The following HS3ST4 variants were observed in gnomAD, a reference collection of about 807,000 sequenced individuals.
HS3ST4 encodes heparan sulfate-glucosamine 3-sulfotransferase 4.
Under a neutral mutation model 29.2 loss-of-function variants are expected in HS3ST4, and 17 were observed. That is an observed-to-expected ratio of 0.58 (90% CI 0.40 to 0.87). HS3ST4 has a LOEUF of 0.87. HS3ST4 is among the 40% of genes least tolerant of loss of function. HS3ST4 has a pLI of 0.00. For synonymous variants in HS3ST4, 314 were observed against 285.7 expected, an observed-to-expected ratio of 1.10 and a Z score of -1.00; for missense variants, 627 against 634.5, an observed-to-expected ratio of 0.99 and a Z score of 0.13.
At chr16:25,801,132 G>A (rs1314957775) in intron 1 of HS3ST4, among the ~76,000 whole-genome samples, 2 of 152,020 alleles carry the variant, frequency 1.3e-5, no homozygotes, top group East Asian at 1.9e-4. Context: ...TGTTGATGCC[G>A]CTGGTCTGGG....
chr16:25,792,499 G>C (rs1966871433), intron 1 of HS3ST4, among the ~76,000 whole-genome samples: 1 of 151,838 alleles, frequency 6.6e-6, no homozygotes, highest in African/African-American at 2.4e-5. Context: ...GACTGTTGAG[G>C]CTCACCACAT....
chr16:25,929,353 A>C (rs1443025904), intron 1 of HS3ST4, among the ~76,000 whole-genome samples: 3 of 152,026 alleles, frequency 2.0e-5, no homozygotes, highest in African/African-American at 7.3e-5. Context: ...CAACAGAGTG[A>C]GACTCCATCT....
At chr16:25,961,171 C>T (rs1343347533) in intron 1 of HS3ST4, among the ~76,000 whole-genome samples, 3 of 152,276 alleles carry the variant, frequency 2.0e-5, no homozygotes, top group East Asian at 1.9e-4. Flanking sequence ...TAATCTATTA[C>T]GGTAGCCACA....
intron 1 of HS3ST4, among the ~76,000 whole-genome samples, chr16:25,873,672 C>G (rs1360605048): frequency 6.6e-6 from 1 of 150,502 alleles, no homozygotes; most frequent in Non-Finnish European, 1.5e-5. Flanking sequence ...ATCCATCCAT[C>G]CATCCATCCA....
intron 1 of HS3ST4, among the ~76,000 whole-genome samples, chr16:25,993,091 T>C (rs997155933): frequency 5.3e-5 from 8 of 152,048 alleles, no homozygotes; most frequent in Non-Finnish European, 1.2e-4. Context: ...GAGAATCTAA[T>C]TGGGAGTTCA....
At chr16:25,781,520 A>G (rs772875038) in intron 1 of HS3ST4, among the ~76,000 whole-genome samples, 1 of 152,166 alleles carries the variant, frequency 6.6e-6, no homozygotes, top group East Asian at 1.9e-4. Context: ...TCTCACACAC[A>G]TAACTCACAT....
chr16:25,792,824 CTCT>C (rs558901625), intron 1 of HS3ST4, among the ~76,000 whole-genome samples: 7 of 151,634 alleles, frequency 4.6e-5, no homozygotes, highest in Admixed American at 2.0e-4. Flanking sequence ...CATATTATTT[CTCT>C]TCTTCTACTT....
chr16:26,110,062 CT>C lies in HS3ST4; in HGVS notation c.735-25549del, dbSNP rs1596684518. Among the ~76,000 whole-genome samples the C allele has an allele frequency of 3.3e-5, 5 of 152,248 alleles. No homozygotes were observed. The East Asian group carries it at 9.7e-4, about 29-fold the overall frequency. On this transcript the variant is annotated intron_variant, in intron 1 of 1. Coordinates refer to ENST00000331351, the MANE Select transcript of HS3ST4 (RefSeq NM_006040.3). The stretch of plus-strand genomic sequence containing the variant: ...CCTGTTTCCCACTATCCTTCACCCC[CT>C]GAACCTGGCAACCATCATTCTATTC...
At chr16:26,084,548 C>T (rs1451776352) in intron 1 of HS3ST4, among the ~76,000 whole-genome samples, 2 of 152,136 alleles carry the variant, frequency 1.3e-5, no homozygotes, top group African/African-American at 4.8e-5. Context: ...GAACAGTGAT[C>T]ATGCGTCTAT....
At chr16:25,948,133 C>T (rs913687875) in intron 1 of HS3ST4, among the ~76,000 whole-genome samples, 4 of 152,086 alleles carry the variant, frequency 2.6e-5, no homozygotes, top group South Asian at 4.2e-4. Context: ...AGAACAGCTC[C>T]GACAGTCTCA....
intron 1 of HS3ST4, among the ~76,000 whole-genome samples, chr16:26,027,156 A>C (rs774536243): frequency 3.3e-5 from 5 of 152,172 alleles, no homozygotes; most frequent in Admixed American, 6.5e-5. Flanking sequence ...CTTGTCAAAA[A>C]CAAAAGTAAA....
chr16:26,005,223 A>G (rs972527277), intron 1 of HS3ST4, among the ~76,000 whole-genome samples: 2 of 152,228 alleles, frequency 1.3e-5, no homozygotes, highest in African/African-American at 4.8e-5. Flanking sequence ...TGGGAAATCA[A>G]TGGAAAAGTG....
chr16:25,783,125 T>A (rs949847431), intron 1 of HS3ST4, among the ~76,000 whole-genome samples: 1 of 152,226 alleles, frequency 6.6e-6, no homozygotes, highest in Admixed American at 6.5e-5. Context: ...CTGTTCTTTT[T>A]TTTTCTTTTT....
At chr16:25,719,936 A>AT (rs1419679909) in intron 1 of HS3ST4, among the ~76,000 whole-genome samples, 1 of 152,188 alleles carries the variant, frequency 6.6e-6, no homozygotes, top group Non-Finnish European at 1.5e-5. Context: ...GAAAATGCTC[A>AT]TTGTAGTGTC....
chr16:25,863,680 TTGTG>T lies in HS3ST4; in HGVS notation c.734+170537_734+170540del, dbSNP rs369737084. 7.9e-3 allele frequency among the ~76,000 whole-genome samples: 1,199 copies of T among 152,264 alleles called. 11 individuals carry two copies. The highest frequency in any genetic ancestry group is 0.027 in the African/African-American group (1,136 of 41,550). On this transcript the variant is annotated intron_variant, in intron 1 of 1. Coordinates refer to ENST00000331351, the MANE Select transcript of HS3ST4 (RefSeq NM_006040.3). ...TGATTTTATAGACAGGTGTTATGTG[TTGTG>T]TGTGTGTATGTTTTAATATTTAATC...
chr16:25,894,080 C>G (rs1968036492), intron 1 of HS3ST4, among the ~76,000 whole-genome samples: 1 of 152,214 alleles, frequency 6.6e-6, no homozygotes, highest in Non-Finnish European at 1.5e-5. Flanking sequence ...ACAGGAGCAT[C>G]TCCCTCAAGT....
In HS3ST4 at chr16:25,992,135, A is replaced by C. The variant is rs142887147; in HGVS notation, c.735-143477A>C. On this transcript the variant is annotated intron_variant, in intron 1 of 1. Coordinates refer to ENST00000331351, the MANE Select transcript of HS3ST4 (RefSeq NM_006040.3). ...GCTTTGTAGTTGAATACTCTGACAC[A>C]TTCCCTGTCCTCATGGAGTTTGTAT... 6.4e-3 allele frequency among the ~76,000 whole-genome samples: 968 copies of C among 152,354 alleles called. 11 individuals are homozygous for C. Among genetic ancestry groups the C allele is most frequent in the African/African-American group, 0.023 (938 of 41,586 alleles).
intron 1 of HS3ST4, among the ~76,000 whole-genome samples, chr16:25,926,790 A>G (rs1282953430): frequency 5.3e-5 from 8 of 152,204 alleles, no homozygotes; most frequent in Non-Finnish European, 1.2e-4. Context: ...CAACACTTCA[A>G]TGCCTTCCAG....
chr16:26,040,956 C>T (rs1413778491), intron 1 of HS3ST4, among the ~76,000 whole-genome samples: 1 of 152,194 alleles, frequency 6.6e-6, no homozygotes, highest in Non-Finnish European at 1.5e-5. Context: ...TCCAAGTACA[C>T]TGAGCACACT....
Sources: allele counts gnomAD v4.1 joint callset (sites outside exome capture counted in the v4.1 genomes callset), GRCh38; gene constraint gnomAD v4.1.1; transcripts MANE v1.5; gene names NCBI Gene and HGNC (gene_info 2026-07-23, HGNC 2026-07-21).